PLEKHM3: variants seen among roughly 807,000 people sequenced by gnomAD.
The protein encoded by PLEKHM3 is pleckstrin homology domain containing M3.
PLEKHM3 carries 45 observed loss-of-function variants against 81.8 expected under a neutral mutation model. The observed-to-expected ratio is 0.55, with a 90% CI of 0.43 to 0.71. PLEKHM3 has a LOEUF of 0.71. Ranked by LOEUF, PLEKHM3 falls within the 30% of genes least tolerant of loss-of-function variation. The pLI is 0.00. For missense variants in PLEKHM3, 788 were observed against 924.3 expected, an observed-to-expected ratio of 0.85 and a Z score of 1.91; for synonymous variants, 352 against 356.4, an observed-to-expected ratio of 0.99 and a Z score of 0.14.
intron 1 of PLEKHM3, among the ~76,000 whole-genome samples, chr2:208,023,052 T>C (rs1343530368): frequency 1.3e-5 from 2 of 152,198 alleles, no homozygotes. Flanking sequence ...GGCTGCAGCA[T>C]GCTAATAAAA....
chr2:207,840,019 T>C (rs931329928), intron 7 of PLEKHM3, among the ~76,000 whole-genome samples: 1 of 152,246 alleles, frequency 6.6e-6, no homozygotes, highest in Non-Finnish European at 1.5e-5. Flanking sequence ...CAGCAATCTG[T>C]GTTTTAACAA....
At chr2:207,852,844 TAAAAAG>T in intron 7 of PLEKHM3, 2 of 424,758 alleles carry the variant, frequency 4.7e-6, no homozygotes, top group South Asian at 3.4e-5. Context: ...ATCTAAAATT[TAAAAAG>T]AAAAAAAGAA....
chr2:207,990,804 C>G (rs780247548), intron 2 of PLEKHM3, among the ~76,000 whole-genome samples: 3 of 152,178 alleles, frequency 2.0e-5, no homozygotes, highest in Non-Finnish European at 2.9e-5. Flanking sequence ...CTAGTCTTTT[C>G]TATGGCTACT....
In PLEKHM3 at chr2:207,828,486, A is replaced by G; in HGVS notation, c.2119T>C (p.Cys707Arg). ...CATTCAGAATGGAAAACGGCTCCACAGCTTTCACACCTGCAAAAGTCAACC... is the reference window on the plus strand; with the variant it reads ...CATTCAGAATGGAAAACGGCTCCACGGCTTTCACACCTGCAAAAGTCAACC... The part of the protein sequence containing the change: ...EDISTSRCES[C>R]GAVFHSECKE... The change falls in exon 8 of 8, where the codon TGT becomes CGT. Residue 707 changes from cysteine (C) to arginine (R), a missense_variant. Transcript: ENST00000427836. 1 of 1,613,892 alleles carries G rather than the reference A, an allele frequency of 6.2e-7. No individual in the cohort carries two copies. The highest frequency in any genetic ancestry group is 8.5e-7 in the Non-Finnish European group (1 of 1,179,892).
intron 2 of PLEKHM3, among the ~76,000 whole-genome samples, chr2:207,982,589 T>TTA (rs200020435): frequency 0.029 from 4,413 of 150,848 alleles, 209 homozygotes; most frequent in African/African-American, 0.098. Flanking sequence ...TTTTTTTTTT[T>TTA]TTTTTTGAGA....
intron 3 of PLEKHM3, among the ~76,000 whole-genome samples, chr2:207,964,247 T>C (rs191694405): frequency 9.9e-5 from 15 of 152,104 alleles, no homozygotes; most frequent in Non-Finnish European, 1.9e-4. Flanking sequence ...GGCTAAACCA[T>C]TGTTTCTCAA....
At chr2:207,964,894 G>A (rs935597062) in intron 3 of PLEKHM3, among the ~76,000 whole-genome samples, 1 of 151,966 alleles carries the variant, frequency 6.6e-6, no homozygotes, top group African/African-American at 2.4e-5. Context: ...TCAATTTCTG[G>A]GACTGTGTGT....
At chr2:207,863,334 C>T (rs1328615464) in intron 6 of PLEKHM3, among the ~76,000 whole-genome samples, 3 of 152,248 alleles carry the variant, frequency 2.0e-5, no homozygotes, top group Non-Finnish European at 4.4e-5. Context: ...GGCCTCAAGG[C>T]AGTGCCTGCA....
At chr2:207,940,710 G>A (rs1007899110) in intron 4 of PLEKHM3, among the ~76,000 whole-genome samples, 1 of 152,176 alleles carries the variant, frequency 6.6e-6, no homozygotes, top group Non-Finnish European at 1.5e-5. Context: ...ATGGTGGCAC[G>A]AAGGAGAGAG....
chr2:207,889,628 C>G (rs1211473867), intron 6 of PLEKHM3, among the ~76,000 whole-genome samples: 1 of 152,008 alleles, frequency 6.6e-6, no homozygotes, highest in South Asian at 2.1e-4. Context: ...GTACTCAAAG[C>G]TCAAAGCTCA....
intron 7 of PLEKHM3, among the ~76,000 whole-genome samples, chr2:207,855,984 T>C (rs2092435539): frequency 1.3e-5 from 2 of 152,222 alleles, no homozygotes; most frequent in Admixed American, 6.5e-5. Flanking sequence ...AAATGTACTA[T>C]ACTAACGTAA....
chr2:207,925,294 A>G (rs1012585372), intron 5 of PLEKHM3, among the ~76,000 whole-genome samples: 1 of 152,010 alleles, frequency 6.6e-6, no homozygotes, highest in Non-Finnish European at 1.5e-5. Context: ...TCCGCATCTC[A>G]TAACTTCTAC....
At chr2:207,948,770 C>T (rs1012389535) in intron 3 of PLEKHM3, among the ~76,000 whole-genome samples, 2 of 152,156 alleles carry the variant, frequency 1.3e-5, no homozygotes, top group African/African-American at 4.8e-5. Flanking sequence ...GTCTCGATCT[C>T]CTGACCTCGT....
intron 7 of PLEKHM3, among the ~76,000 whole-genome samples, chr2:207,836,319 A>T (rs11334334): frequency 2.5e-4 from 4 of 16,142 alleles, no homozygotes; most frequent in East Asian, 6.6e-4. Flanking sequence ...GAGAGAGTCT[A>T]AAAAAAAAAA....
At chr2:207,887,298 G>T (rs1424164671) in intron 6 of PLEKHM3, among the ~76,000 whole-genome samples, 1 of 152,140 alleles carries the variant, frequency 6.6e-6, no homozygotes, top group East Asian at 1.9e-4. Flanking sequence ...TGTTCATTTT[G>T]CTCATGTTTC....
At chr2:207,950,822 A>G (rs1429514169) in intron 3 of PLEKHM3, among the ~76,000 whole-genome samples, 1 of 152,234 alleles carries the variant, frequency 6.6e-6, no homozygotes, top group African/African-American at 2.4e-5. Flanking sequence ...CTATGTAGAA[A>G]CAACCTGACT....
At chr2:207,874,963 T>C (rs1415768520) in intron 6 of PLEKHM3, among the ~76,000 whole-genome samples, 1 of 152,068 alleles carries the variant, frequency 6.6e-6, no homozygotes, top group African/African-American at 2.4e-5. Context: ...TTTAAAACTA[T>C]AACATTAGGG....
At chr2:207,993,591 G>A (rs540348942) in intron 2 of PLEKHM3, among the ~76,000 whole-genome samples, 19 of 151,658 alleles carry the variant, frequency 1.3e-4, no homozygotes, top group Non-Finnish European at 2.6e-4. Flanking sequence ...TACTGCCATG[G>A]TTTTTCTAGC....
At chr2:207,849,015 A>T (rs1331644773) in intron 7 of PLEKHM3, among the ~76,000 whole-genome samples, 1 of 152,136 alleles carries the variant, frequency 6.6e-6, no homozygotes, top group Non-Finnish European at 1.5e-5. Flanking sequence ...TGTTCTCAAG[A>T]CTGATGTAGA....
Sources: allele counts gnomAD v4.1 joint callset (sites outside exome capture counted in the v4.1 genomes callset), GRCh38; gene constraint gnomAD v4.1.1; transcripts MANE v1.5; gene names NCBI Gene and HGNC (gene_info 2026-07-23, HGNC 2026-07-21).